Variants in RAPGEF2 observed in about 807,000 individuals in gnomAD.
The protein encoded by RAPGEF2 is Rap guanine nucleotide exchange factor 2.
In RAPGEF2, 54 loss-of-function variants were observed where a neutral mutation model predicts 186.7. The ratio of observed to expected loss-of-function variants is 0.29; its 90% CI spans 0.23 to 0.36. The LOEUF is 0.36. Among genes scored for constraint, RAPGEF2 ranks in the 10% least tolerant of loss-of-function variants. RAPGEF2 has a pLI of 1.00. For synonymous variants in RAPGEF2, 712 were observed against 705.9 expected, an observed-to-expected ratio of 1.01 and a Z score of -0.14; for missense variants, 1,532 against 2,045.0, an observed-to-expected ratio of 0.75 and a Z score of 4.84.
chr4:159,338,208 C>G, intron 17 of RAPGEF2, 103 bp from the exon 18 acceptor site: 5 of 931,982 alleles, frequency 5.4e-6, no homozygotes, highest in Non-Finnish European at 7.4e-6. Context: ...ACATGAGCTG[C>G]AAAAAAAAAA....
chr4:159,219,792 GCT>G, intron 4 of RAPGEF2, among the ~76,000 whole-genome samples: 1 of 152,320 alleles, frequency 6.6e-6, no homozygotes, highest in Non-Finnish European at 1.5e-5. Flanking sequence ...TTACCTTAGT[GCT>G]TAGTCCGTAC....
intron 1 of RAPGEF2, among the ~76,000 whole-genome samples, chr4:159,154,251 A>G (rs1292359277): frequency 6.6e-6 from 1 of 152,246 alleles, no homozygotes; most frequent in African/African-American, 2.4e-5. Context: ...AGAAGCAAGT[A>G]GAATTCAGTA....
intron 20 of RAPGEF2, 102 bp downstream of exon 20, chr4:159,342,049 T>C: frequency 8.8e-7 from 1 of 1,141,696 alleles, no homozygotes. Flanking sequence ...CTATAGGTTT[T>C]AATTGACTCA....
At chr4:159,348,238 A>ATGGATGGATGGATG (rs1561329802) in intron 25 of RAPGEF2, among the ~76,000 whole-genome samples, 3 of 125,998 alleles carry the variant, frequency 2.4e-5, no homozygotes, top group Admixed American at 8.8e-5. Flanking sequence ...ATAGATAGAT[A>ATGGATGGATGGATG]GATAGATGGA....
intron 17 of RAPGEF2, 131 bp downstream of exon 17, chr4:159,332,828 G>A: frequency 8.7e-7 from 1 of 1,142,924 alleles, no homozygotes; most frequent in South Asian, 1.7e-5. Flanking sequence ...TATTTTGGAA[G>A]CAGTATTAAA....
chr4:159,260,324 C>T (rs1311218759), intron 7 of RAPGEF2, among the ~76,000 whole-genome samples: 2 of 151,712 alleles, frequency 1.3e-5, no homozygotes, highest in Non-Finnish European at 2.9e-5. Flanking sequence ...TAATATTCTC[C>T]CTCGCACTGC....
At chr4:159,350,979 T>A (rs923702383) in intron 26 of RAPGEF2, 1 of 1,394,240 alleles carries the variant, frequency 7.2e-7, no homozygotes, top group African/African-American at 1.4e-5. Flanking sequence ...TTCAGACATC[T>A]GTGCATTTTG....
intron 11 of RAPGEF2, among the ~76,000 whole-genome samples, chr4:159,325,748 A>G (rs919840736): frequency 2.6e-5 from 4 of 152,196 alleles, no homozygotes; most frequent in Non-Finnish European, 1.5e-5. Flanking sequence ...ATGACTGAAT[A>G]TTACAGAGTG....
intron 4 of RAPGEF2, among the ~76,000 whole-genome samples, chr4:159,215,593 T>C (rs1750925483): frequency 6.6e-6 from 1 of 152,330 alleles, no homozygotes; most frequent in South Asian, 2.1e-4. Context: ...CTTAATAAAA[T>C]CAATTTTATC....
rs1754433594 is a variant in RAPGEF2 at position 159,244,867 on chromosome 4, TG to T, written c.543+1077del. On this transcript the variant is annotated intron_variant, in intron 7 of 29. Coordinates refer to ENST00000691494, the MANE Select transcript of RAPGEF2 (RefSeq NM_001394067.2). Reference sequence around the variant, plus strand: ...TTTGGAAGCACTACTAATTTTTAAATGATGTGGTAAATCTAAAACATTTTTA... The same window carrying T: ...TTTGGAAGCACTACTAATTTTTAAATATGTGGTAAATCTAAAACATTTTTA... Among the ~76,000 whole-genome samples, 2 of 151,986 alleles carry T rather than the reference TG, an allele frequency of 1.3e-5. 1 individual carries two copies. The highest frequency in any genetic ancestry group is 4.1e-4 in the South Asian group (2 of 4,828).
At chr4:159,209,276 CA>C (rs199551732) in intron 3 of RAPGEF2, among the ~76,000 whole-genome samples, 65 of 138,844 alleles carry the variant, frequency 4.7e-4, no homozygotes, top group African/African-American at 1.6e-3. Flanking sequence ...AGTGATTTTA[CA>C]AAAAAAAAAT....
In RAPGEF2 at chr4:159,123,985, T is replaced by G. The variant is rs151113675; in HGVS notation, c.69+19754T>G. Among the ~76,000 whole-genome samples, 70 of 151,954 alleles carry G rather than the reference T, an allele frequency of 4.6e-4. No homozygotes were observed. The Middle Eastern group carries it at 0.014, about 30-fold the overall frequency. On this transcript the variant is annotated intron_variant, in intron 1 of 29. Coordinates refer to ENST00000691494, the MANE Select transcript of RAPGEF2 (RefSeq NM_001394067.2). ...ATTCTTATGTCCCAGCCTCCCAGGT[T>G]GCTGGAATTACAGGCGCGTGCCACC...
At chr4:159,145,001 A>G (rs1056063878) in intron 1 of RAPGEF2, among the ~76,000 whole-genome samples, 1 of 141,432 alleles carries the variant, frequency 7.1e-6, no homozygotes, top group Non-Finnish European at 1.5e-5. Flanking sequence ...TGATTCTCCC[A>G]CCTCAGCCTC....
At chr4:159,120,095 C>G (rs1315669909) in intron 1 of RAPGEF2, among the ~76,000 whole-genome samples, 1 of 152,212 alleles carries the variant, frequency 6.6e-6, no homozygotes, top group Non-Finnish European at 1.5e-5. Flanking sequence ...TCTCAGCTCA[C>G]TTCAGCCTCT....
At chr4:159,177,534 A>T (rs1041832272) in intron 1 of RAPGEF2, among the ~76,000 whole-genome samples, 1 of 152,182 alleles carries the variant, frequency 6.6e-6, no homozygotes, top group African/African-American at 2.4e-5. Context: ...GGGGATCAGG[A>T]TTTGAACTCT....
intron 7 of RAPGEF2, among the ~76,000 whole-genome samples, chr4:159,291,525 G>C (rs1462437799): frequency 2.6e-5 from 4 of 152,092 alleles, no homozygotes; most frequent in Non-Finnish European, 4.4e-5. Context: ...CAAACCCCTG[G>C]ACTCAAGCTA....
rs1365394042 is a variant in RAPGEF2, at chr4:159,104,545, A to T, written c.69+314A>T. Among the ~76,000 whole-genome samples, 134 of 129,344 alleles carry T rather than the reference A, an allele frequency of 1.0e-3. 1 individual carries two copies. The highest frequency in any genetic ancestry group is 1.6e-3 in the Non-Finnish European group (98 of 61,388). 84.9% of individuals were successfully genotyped at this position (129,344 alleles called of 152,430 possible). ...GAGAGAGGGAGAGACAGAGAGAGAG[A>T]GAGAGAGAGTGTGTGTGTGTGTGTG... On this transcript the variant is annotated intron_variant, in intron 1 of 29. Coordinates refer to ENST00000691494, the MANE Select transcript of RAPGEF2 (RefSeq NM_001394067.2).
intron 17 of RAPGEF2, among the ~76,000 whole-genome samples, chr4:159,336,858 T>C (rs1020347698): frequency 6.6e-6 from 1 of 152,204 alleles, no homozygotes; most frequent in Non-Finnish European, 1.5e-5. Context: ...CTTCATTTTA[T>C]TTATGACACC....
chr4:159,258,922 G>A (rs1316512048), intron 7 of RAPGEF2, among the ~76,000 whole-genome samples: 2 of 152,164 alleles, frequency 1.3e-5, no homozygotes, highest in Admixed American at 6.5e-5. Context: ...TGGGTTGGCC[G>A]AGGCTTGAAT....
Sources: gnomAD v4.1 joint callset for allele counts (sites outside exome capture counted in the v4.1 genomes callset) on GRCh38, gnomAD v4.1.1 for gene constraint, MANE v1.5 for transcripts, NCBI Gene and HGNC (gene_info 2026-07-23, HGNC 2026-07-21) for gene names.